ANLN: variants seen among roughly 807,000 people sequenced by gnomAD.
ANLN encodes the protein anillin, actin binding protein.
In ANLN, 59 loss-of-function variants were observed where a neutral mutation model predicts 135.1. The ratio of observed to expected loss-of-function variants is 0.44; its 90% CI spans 0.35 to 0.54. The LOEUF (loss-of-function observed/expected upper bound fraction) is 0.54, where lower values mean the gene tolerates loss of function less well. Ranked by LOEUF, ANLN falls within the 20% of genes least tolerant of loss-of-function variation. ANLN has a pLI of 0.00. For missense variants in ANLN, 1,182 were observed against 1,340.0 expected (o/e 0.88, Z 1.84); for synonymous variants, 406 against 456.4 (o/e 0.89, Z 1.41).
intron 4 of ANLN, 78 bp downstream of exon 4, chr7:36,406,644 G>A (rs1249299937): frequency 8.0e-7 from 1 of 1,253,152 alleles, no homozygotes; most frequent in African/African-American, 1.5e-5. Context: ...GTGTGTATGT[G>A]CAGGTGGATG....
chr7:36,391,055 A>T (rs1480096668), intron 1 of ANLN, among the ~76,000 whole-genome samples: 1 of 152,212 alleles, frequency 6.6e-6, no homozygotes, highest in African/African-American at 2.4e-5. Flanking sequence ...TATGTATGAG[A>T]TATTAATTAC....
At chr7:36,412,512 G>A (rs990523199) in intron 7 of ANLN, among the ~76,000 whole-genome samples, 1 of 151,720 alleles carries the variant, frequency 6.6e-6, no homozygotes, top group Non-Finnish European at 1.5e-5. Context: ...ATTTTTAGTA[G>A]AGATGGAGTT....
At chr7:36,423,595 TACATA>T (rs889049883) in intron 14 of ANLN, among the ~76,000 whole-genome samples, 19 of 152,240 alleles carry the variant, frequency 1.2e-4, no homozygotes, top group Non-Finnish European at 2.5e-4. Flanking sequence ...TATTTCAATT[TACATA>T]ACAGGGAGAG....
rs1406132483 is a variant in ANLN, at chr7:36,420,585, T to TA, written c.2016-11dup. The TA allele has an allele frequency of 3.7e-6, 6 of 1,606,074 alleles. No individual in the cohort carries two copies. The South Asian group carries it at 4.4e-5, about 12-fold the overall frequency. On this transcript the variant is annotated splice_polypyrimidine_tract_variant and intron_variant, in intron 11 of 23. Transcript: ENST00000265748. ...GCTGGATTTCTAATAGAGTGTAACT[T>TA]ACCTCTTGAAGCATTGATGCATATA...
At chr7:36,413,674 A>C (rs762128537) in intron 7 of ANLN, among the ~76,000 whole-genome samples, 2 of 152,170 alleles carry the variant, frequency 1.3e-5, no homozygotes, top group African/African-American at 4.8e-5. Flanking sequence ...GCTAGGAGGA[A>C]AATGTAGTTG....
chr7:36,417,259 A>T, intron 9 of ANLN, 69 bp downstream of exon 9: 1 of 858,050 alleles, frequency 1.2e-6, no homozygotes, highest in Non-Finnish European at 1.8e-6. Context: ...TGATAGAAGC[A>T]CATATTCAAA....
chr7:36,390,982 A>G (rs1786427866), intron 1 of ANLN, among the ~76,000 whole-genome samples: 2 of 152,236 alleles, frequency 1.3e-5, no homozygotes, highest in African/African-American at 4.8e-5. Flanking sequence ...CACTGATTCA[A>G]AAACTTAAAT....
At chr7:36,447,042 C>T (rs1190874574) in intron 22 of ANLN, among the ~76,000 whole-genome samples, 1 of 152,200 alleles carries the variant, frequency 6.6e-6, no homozygotes, top group Non-Finnish European at 1.5e-5. Context: ...GTACCAGACC[C>T]ACTTGCCATC....
intron 10 of ANLN, 100 bp from the exon 11 acceptor site, chr7:36,420,069 G>T (rs1244985426): frequency 8.3e-7 from 1 of 1,203,610 alleles, no homozygotes; most frequent in East Asian, 2.5e-5. Flanking sequence ...CAGCTTACTG[G>T]ATTTTTTTCT....
chr7:36,391,899 C>G (rs1203083173), intron 1 of ANLN, among the ~76,000 whole-genome samples: 1 of 151,792 alleles, frequency 6.6e-6, no homozygotes. Flanking sequence ...CAAGACTGTT[C>G]TGCATTGGTC....
rs550897791 is a variant in ANLN at position 36,437,129 on chromosome 7, A to T, written c.2884-2075A>T. 2.6e-5 allele frequency among the ~76,000 whole-genome samples: 4 copies of T among 152,300 alleles called. No individual in the cohort carries two copies. In the South Asian group the frequency reaches 8.3e-4, roughly 32 times the overall value. On this transcript the variant is annotated intron_variant, in intron 20 of 23. Coordinates refer to ENST00000265748, the MANE Select transcript of ANLN (RefSeq NM_018685.5). ...CATGACTGAAATTCTGTACTCGTGG[A>T]ACTGCAGCTCCTCATATTCTCCTCC...
chr7:36,449,278 G>A (rs1050509821), intron 22 of ANLN: 4 of 154,526 alleles, frequency 2.6e-5, no homozygotes, highest in African/African-American at 9.6e-5. Flanking sequence ...GAAATCCAAT[G>A]TCTAGGTTTC....
chr7:36,406,536 T>A lies in ANLN; in HGVS notation c.843T>A (p.Ser281=). 6.6e-7 allele frequency: 1 copy of A among 1,522,236 alleles called. No individual in the cohort carries two copies. The highest frequency in any genetic ancestry group is 8.8e-7 in the Non-Finnish European group (1 of 1,134,132). 94.3% of individuals were successfully genotyped at this position (1,522,236 alleles called of 1,614,324 possible). ...TATCCTCAAGTGCTGATGATGCGTC[T>A]TTGGTTAATGCCTCAATTTCCAGCT... ...KALSSSADDA[S]LVNASISSSV... Residue 281 remains serine (S), a synonymous_variant, in exon 4 of 24, where the codon TCT becomes TCA. Transcript: ENST00000265748.
At position 36,439,184 on chromosome 7, in the gene ANLN, T is replaced by G. The variant is rs368029659; in HGVS notation, c.2884-20T>G. On this transcript the variant is annotated intron_variant, in intron 20 of 23. Coordinates refer to ENST00000265748, the MANE Select transcript of ANLN (RefSeq NM_018685.5). Reference sequence around the variant, plus strand: ...CACTTTGAACCTGTTTTGCAAATAATTTACCTGTTTTCTTTGCAGGTCCCC... The same window carrying G: ...CACTTTGAACCTGTTTTGCAAATAAGTTACCTGTTTTCTTTGCAGGTCCCC... 1.6e-5 allele frequency: 22 copies of G among 1,396,338 alleles called. No homozygotes were observed. In the African/African-American group the frequency reaches 2.9e-4, roughly 18 times the overall value. The allele number at this position is 1,396,338 out of a possible 1,614,324, so 86.5% of individuals were successfully genotyped here.
At chr7:36,403,043 G>A (rs1429284410) in intron 3 of ANLN, among the ~76,000 whole-genome samples, 1 of 152,102 alleles carries the variant, frequency 6.6e-6, no homozygotes, top group Non-Finnish European at 1.5e-5. Flanking sequence ...CTTGAACCCG[G>A]GAGGCGGAGG....
At chr7:36,434,294 A>C (rs1315665321) in intron 20 of ANLN, among the ~76,000 whole-genome samples, 1 of 152,226 alleles carries the variant, frequency 6.6e-6, no homozygotes, top group African/African-American at 2.4e-5. Context: ...TTTGAGATCT[A>C]AGTACTGCAC....
At position 36,399,407 on chromosome 7, in the gene ANLN, A is replaced by G; in HGVS notation, c.487+14A>G. 3 of 1,580,378 alleles carry G rather than the reference A, an allele frequency of 1.9e-6. No homozygotes were observed. The highest frequency in any genetic ancestry group is 2.6e-6 in the Non-Finnish European group (3 of 1,161,346). ...ATGATATGACAGGTATGAATTGTAT[A>G]GATGGTATGGCCCATACATCTGTTC... On this transcript the variant is annotated intron_variant, in intron 3 of 23. Coordinates refer to ENST00000265748, the MANE Select transcript of ANLN (RefSeq NM_018685.5).
intron 7 of ANLN, among the ~76,000 whole-genome samples, chr7:36,413,988 C>G (rs1442091435): frequency 6.9e-6 from 1 of 144,646 alleles, no homozygotes; most frequent in African/African-American, 2.5e-5. Context: ...AGTGAGACTC[C>G]GTCTCAAAAA....
intron 7 of ANLN, 25 bp from the exon 8 acceptor site, chr7:36,415,733 T>C: frequency 6.4e-7 from 1 of 1,560,116 alleles, no homozygotes; most frequent in South Asian, 1.2e-5. Context: ...AGAAATAAAA[T>C]TTACTTTTCA....
Sources: gnomAD v4.1 joint callset for allele counts (sites outside exome capture counted in the v4.1 genomes callset) on GRCh38, gnomAD v4.1.1 for gene constraint, MANE v1.5 for transcripts, NCBI Gene and HGNC (gene_info 2026-07-23, HGNC 2026-07-21) for gene names.